PCYT1B: variants seen among roughly 807,000 people sequenced by gnomAD.
The protein encoded by PCYT1B is phosphate cytidylyltransferase 1B, choline.
PCYT1B carries 10 observed loss-of-function variants against 26.4 expected under a neutral mutation model. The observed-to-expected ratio is 0.38, with a 90% CI of 0.23 to 0.64. PCYT1B has a LOEUF of 0.64. PCYT1B is among the 30% of genes least tolerant of loss of function. PCYT1B has a pLI of 0.56. For missense variants in PCYT1B, 161 were observed against 292.7 expected (o/e 0.55, Z 3.28); for synonymous variants, 131 against 108.4 (o/e 1.21, Z -1.29).
chrX:24,635,652 C>T (rs1174112540), intron 1 of PCYT1B, among the ~76,000 whole-genome samples: 2 of 111,823 alleles, frequency 1.8e-5, no homozygotes, highest in East Asian at 5.6e-4. Context: ...CCTCTGATCT[C>T]CCACCTATTT....
intron 1 of PCYT1B, among the ~76,000 whole-genome samples, chrX:24,627,067 T>C (rs1051468724): frequency 6.2e-5 from 7 of 112,135 alleles, no homozygotes; most frequent in Non-Finnish European, 1.3e-4. Context: ...TGTGTAAATA[T>C]ATAAAGGATC....
chrX:24,575,033 T>C, intron 7 of PCYT1B, 97 bp downstream of exon 7: 1 of 624,197 alleles, frequency 1.6e-6, no homozygotes, highest in Non-Finnish European at 2.4e-6. Flanking sequence ...GGGCATGCAG[T>C]GGATCTGAGA....
chrX:24,648,475 T>TTTTTTTGTA (rs1926696696), upstream of PCYT1B, among the ~76,000 whole-genome samples: 1 of 92,940 alleles, frequency 1.1e-5, no homozygotes, highest in Non-Finnish European at 2.1e-5. Flanking sequence ...TTTTTTTTTT[T>TTTTTTTGTA]GCGAAGGGCG....
intron 1 of PCYT1B, among the ~76,000 whole-genome samples, chrX:24,643,899 ATAGT>A (rs1182903298): frequency 8.9e-6 from 1 of 111,902 alleles, no homozygotes; most frequent in Non-Finnish European, 1.9e-5. Context: ...TACACTTTCC[ATAGT>A]TAGTTAAGCA....
upstream of PCYT1B, among the ~76,000 whole-genome samples, chrX:24,649,108 C>T (rs1356045009): frequency 9.0e-6 from 1 of 110,777 alleles, no homozygotes. Context: ...TGTGAGAATT[C>T]CAGTGATGCT....
At chrX:24,654,316 C>T (rs1354018811) in intron 1 of PCYT1B, among the ~76,000 whole-genome samples, 2 of 103,519 alleles carry the variant, frequency 1.9e-5, no homozygotes, top group Non-Finnish European at 4.0e-5. Context: ...ACCATATTGG[C>T]CAGGCTGGTC....
intron 1 of PCYT1B, among the ~76,000 whole-genome samples, chrX:24,657,715 T>G (rs937369697): frequency 8.9e-6 from 1 of 111,934 alleles, no homozygotes; most frequent in African/African-American, 3.2e-5. Flanking sequence ...CTAACATAAG[T>G]GGATGTACTG....
chrX:24,611,343 G>C lies in PCYT1B; in HGVS notation c.218-3482C>G, dbSNP rs184329593. ...TGATCTGTTTTAATCTTTTGTTTGA[G>C]ATTTTTCTGGATATGCTTTTAGGCA... is the stretch of plus-strand genomic sequence containing the variant. On this transcript the variant is annotated intron_variant, in intron 2 of 7. Coordinates refer to ENST00000379144, the MANE Select transcript of PCYT1B (RefSeq NM_004845.5). Among the ~76,000 whole-genome samples the C allele has an allele frequency of 4.5e-5, 5 of 111,594 alleles. No individual in the cohort carries two copies. In the Admixed American group the frequency reaches 4.8e-4, roughly 11 times the overall value.
intron 3 of PCYT1B, among the ~76,000 whole-genome samples, chrX:24,599,244 T>G (rs888674046): frequency 8.1e-5 from 9 of 111,799 alleles, no homozygotes; most frequent in Non-Finnish European, 1.5e-4. Context: ...TGAAGGAGGA[T>G]CTTAACAAAT....
intron 1 of PCYT1B, among the ~76,000 whole-genome samples, chrX:24,626,467 T>C (rs1490105595): frequency 2.7e-5 from 3 of 112,318 alleles, no homozygotes; most frequent in African/African-American, 9.7e-5. Context: ...ATTCCATATA[T>C]GTCTGTCATT....
intron 1 of PCYT1B, among the ~76,000 whole-genome samples, chrX:24,654,938 AG>A (rs1174210248): frequency 1.4e-4 from 16 of 110,457 alleles, no homozygotes; most frequent in Middle Eastern, 4.7e-3. Context: ...ATGTGGCTTA[AG>A]GTCTGGGCCT....
At chrX:24,666,663 G>A (rs1569261129) in intron 1 of PCYT1B, among the ~76,000 whole-genome samples, 1 of 109,490 alleles carries the variant, frequency 9.1e-6, no homozygotes, top group Non-Finnish European at 1.9e-5. Context: ...GAGAGAATTT[G>A]TAGTTCATGG....
At chrX:24,575,973 A>G (rs187046219) in intron 6 of PCYT1B, among the ~76,000 whole-genome samples, 76 of 112,302 alleles carry the variant, frequency 6.8e-4, no homozygotes, top group Middle Eastern at 4.6e-3. Flanking sequence ...CTTGGAAACC[A>G]TCGTATGCTG....
chrX:24,610,349 G>A (rs1189932987), intron 2 of PCYT1B, among the ~76,000 whole-genome samples: 1 of 111,531 alleles, frequency 9.0e-6, no homozygotes, highest in Non-Finnish European at 1.9e-5. Flanking sequence ...ATAGGGAATT[G>A]CAATTATTTC....
At chrX:24,651,472 A>AAAATATATAT (rs1555965467), upstream of PCYT1B, among the ~76,000 whole-genome samples, 6 of 26,055 alleles carry the variant, frequency 2.3e-4, no homozygotes, top group Non-Finnish European at 3.0e-4. Context: ...AAAAAAAAAA[A>AAAATATATAT]ATATATATAT....
intron 7 of PCYT1B, among the ~76,000 whole-genome samples, chrX:24,566,784 G>A (rs916174936): frequency 9.0e-6 from 1 of 111,460 alleles, no homozygotes; most frequent in African/African-American, 3.3e-5. Flanking sequence ...ACTTTGTAGA[G>A]TCCCAAGTTT....
At chrX:24,571,240 T>C (rs1923813958) in intron 7 of PCYT1B, among the ~76,000 whole-genome samples, 1 of 111,276 alleles carries the variant, frequency 9.0e-6, no homozygotes, top group Admixed American at 9.6e-5. Context: ...AGCACATGCC[T>C]GTAGTCCTAG....
At chrX:24,574,878 T>C (rs1247142195) in intron 7 of PCYT1B, among the ~76,000 whole-genome samples, 1 of 112,197 alleles carries the variant, frequency 8.9e-6, no homozygotes, top group Non-Finnish European at 1.9e-5. Context: ...GATCACCAGA[T>C]GGCTTCCAAG....
At chrX:24,670,099 A>AGAAG (rs1569261859) in intron 1 of PCYT1B, among the ~76,000 whole-genome samples, 30 of 86,775 alleles carry the variant, frequency 3.5e-4, no homozygotes, top group Non-Finnish European at 5.8e-4. Flanking sequence ...AAAGAAAGAA[A>AGAAG]GAAAGAAAGA....
Sources: gnomAD v4.1 joint callset for allele counts (sites outside exome capture counted in the v4.1 genomes callset) on GRCh38, gnomAD v4.1.1 for gene constraint, MANE v1.5 for transcripts, NCBI Gene and HGNC (gene_info 2026-07-23, HGNC 2026-07-21) for gene names.